Variants in KIAA1217 observed in about 807,000 individuals in gnomAD.
The protein encoded by KIAA1217 is sickle tail protein homolog.
A neutral mutation model predicts 163.9 loss-of-function variants in KIAA1217; 88 were observed. The ratio of observed to expected loss-of-function variants is 0.54; its 90% CI spans 0.45 to 0.64. KIAA1217 has a LOEUF of 0.64. KIAA1217 is among the 30% of genes least tolerant of loss of function. The pLI, the probability that KIAA1217 is intolerant of heterozygous loss-of-function variation, is 0.00. For synonymous variants in KIAA1217, 903 were observed against 923.1 expected (o/e 0.98, Z 0.39); for missense variants, 2,372 against 2,475.0 (o/e 0.96, Z 0.88).
chr10:23,973,609 A>G (rs1312762718), intron 1 of KIAA1217, among the ~76,000 whole-genome samples: 2 of 152,220 alleles, frequency 1.3e-5, no homozygotes, highest in Admixed American at 1.3e-4. Flanking sequence ...ATTTGCCCAC[A>G]TCGAGGAAGA....
chr10:24,449,497 G>A, intron 5 of KIAA1217: 1 of 985,284 alleles, frequency 1.0e-6, no homozygotes. Context: ...TTCCGGGACA[G>A]GAAAAATGCC....
intron 1 of KIAA1217, among the ~76,000 whole-genome samples, chr10:23,908,093 C>T (rs1842249096): frequency 6.6e-6 from 1 of 151,978 alleles, no homozygotes; most frequent in Admixed American, 6.6e-5. Context: ...AGAGAGAATT[C>T]CAGGCAGAGG....
At chr10:24,373,269 G>C in intron 2 of KIAA1217, among the ~76,000 whole-genome samples, 1 of 152,072 alleles carries the variant, frequency 6.6e-6, no homozygotes. Context: ...GAGCACCATC[G>C]CCACCACTGA....
At chr10:24,096,085 G>T (rs566971987) in intron 2 of KIAA1217, among the ~76,000 whole-genome samples, 1 of 152,180 alleles carries the variant, frequency 6.6e-6, no homozygotes, top group Non-Finnish European at 1.5e-5. Flanking sequence ...TCCATCCTGG[G>T]TGACAGAGTG....
chr10:23,852,132 G>T (rs1031703778), intron 1 of KIAA1217, among the ~76,000 whole-genome samples: 6 of 152,080 alleles, frequency 3.9e-5, no homozygotes, highest in African/African-American at 1.4e-4. Flanking sequence ...TTCTTCTAGG[G>T]TTTTTATGGT....
At chr10:23,882,115 T>C (rs1344013809) in intron 1 of KIAA1217, among the ~76,000 whole-genome samples, 2 of 151,968 alleles carry the variant, frequency 1.3e-5, no homozygotes, top group African/African-American at 4.8e-5. Context: ...TCAAAAACCA[T>C]AAAAACACAT....
intron 1 of KIAA1217, among the ~76,000 whole-genome samples, chr10:23,728,346 T>A (rs1838285487): frequency 6.6e-6 from 1 of 152,222 alleles, no homozygotes; most frequent in Non-Finnish European, 1.5e-5. Flanking sequence ...GACTTTTTAA[T>A]GATCGCTATT....
At chr10:23,931,468 C>T (rs1843249505) in intron 1 of KIAA1217, among the ~76,000 whole-genome samples, 1 of 152,172 alleles carries the variant, frequency 6.6e-6, no homozygotes, top group Admixed American at 6.6e-5. Context: ...CATTTACCTA[C>T]ACCCTGTCTT....
intron 1 of KIAA1217, among the ~76,000 whole-genome samples, chr10:23,710,457 A>G (rs1414877696): frequency 2.0e-5 from 3 of 152,246 alleles, no homozygotes; most frequent in Admixed American, 2.0e-4. Context: ...TTTGTAGATA[A>G]TGAAGATTGT....
intron 2 of KIAA1217, among the ~76,000 whole-genome samples, chr10:24,129,353 A>G (rs2063572728): frequency 6.6e-6 from 1 of 152,150 alleles, no homozygotes; most frequent in Non-Finnish European, 1.5e-5. Flanking sequence ...TGCTAAAATC[A>G]GGGGTAGGAG....
chr10:24,199,463 A>G (rs2067145131), intron 2 of KIAA1217, among the ~76,000 whole-genome samples: 1 of 152,226 alleles, frequency 6.6e-6, no homozygotes, highest in African/African-American at 2.4e-5. Flanking sequence ...ACATTGCCAC[A>G]CATTAGTGAT....
At chr10:24,330,252 C>A (rs2045489717) in intron 2 of KIAA1217, among the ~76,000 whole-genome samples, 2 of 151,042 alleles carry the variant, frequency 1.3e-5, no homozygotes, top group Non-Finnish European at 2.9e-5. Flanking sequence ...GTAAGCCAAG[C>A]CCACACCACT....
At chr10:24,389,421 G>A (rs2054526316) in intron 3 of KIAA1217, among the ~76,000 whole-genome samples, 1 of 152,048 alleles carries the variant, frequency 6.6e-6, no homozygotes, top group Non-Finnish European at 1.5e-5. Flanking sequence ...GAATGGGGGA[G>A]GGATAGCATT....
At chr10:24,163,472 G>T (rs1171823516) in intron 2 of KIAA1217, among the ~76,000 whole-genome samples, 1 of 152,138 alleles carries the variant, frequency 6.6e-6, no homozygotes, top group East Asian at 1.9e-4. Flanking sequence ...AGGTGATTTT[G>T]TTTTACAAAA....
At chr10:24,486,137 C>T (rs1322433276) in intron 6 of KIAA1217, among the ~76,000 whole-genome samples, 1 of 152,240 alleles carries the variant, frequency 6.6e-6, no homozygotes, top group Non-Finnish European at 1.5e-5. Context: ...CCAGCTCTCA[C>T]CTGACTTGCT....
chr10:24,276,176 G>A lies in KIAA1217; in HGVS notation c.354+56267G>A, dbSNP rs1303605236. On this transcript the variant is annotated intron_variant, in intron 2 of 20. Coordinates refer to ENST00000376454, the MANE Select transcript of KIAA1217 (RefSeq NM_019590.5). ...GCTGTTTCATTTCATATCATTTTACGTGTTATTATTCTAATAAGAATACAA... is the reference window on the plus strand; with the variant it reads ...GCTGTTTCATTTCATATCATTTTACATGTTATTATTCTAATAAGAATACAA... Among the ~76,000 whole-genome samples the A allele has an allele frequency of 3.3e-5, 5 of 152,220 alleles. No individual in the cohort carries two copies. In the East Asian group the frequency reaches 7.7e-4, roughly 24 times the overall value.
At chr10:23,804,771 G>A (rs996249422) in intron 1 of KIAA1217, among the ~76,000 whole-genome samples, 3 of 152,100 alleles carry the variant, frequency 2.0e-5, no homozygotes, top group Non-Finnish European at 2.9e-5. Context: ...TGTATAGTCC[G>A]AGACAATAGA....
At chr10:23,909,728 A>G (rs991653142) in intron 1 of KIAA1217, among the ~76,000 whole-genome samples, 7 of 152,086 alleles carry the variant, frequency 4.6e-5, no homozygotes, top group African/African-American at 1.4e-4. Flanking sequence ...AGTCTTTGCT[A>G]TTGTGAACAG....
At chr10:23,987,844 T>A (rs1223662884) in intron 1 of KIAA1217, among the ~76,000 whole-genome samples, 1 of 152,172 alleles carries the variant, frequency 6.6e-6, no homozygotes, top group African/African-American at 2.4e-5. Flanking sequence ...TAAACACTTT[T>A]AACTGTTCAC....
Sources: gnomAD v4.1 joint callset for allele counts (sites outside exome capture counted in the v4.1 genomes callset) on GRCh38, gnomAD v4.1.1 for gene constraint, MANE v1.5 for transcripts, NCBI Gene and HGNC (gene_info 2026-07-23, HGNC 2026-07-21) for gene names.